The following GRIA3 variants were observed in gnomAD, a reference collection of about 807,000 sequenced individuals.
GRIA3 encodes glutamate ionotropic receptor AMPA type subunit 3, also known as glutamate receptor 3.
In GRIA3, 3 loss-of-function variants were observed where a neutral mutation model predicts 63.0. The ratio of observed to expected loss-of-function variants is 0.05; its 90% CI spans 0.02 to 0.12. GRIA3 has a LOEUF of 0.12. Among genes scored for constraint, GRIA3 ranks in the 10% least tolerant of loss-of-function variants. GRIA3 has a pLI of 1.00. For missense variants in GRIA3, 347 were observed against 700.9 expected (o/e 0.50, Z 5.70); for synonymous variants, 274 against 257.9 (o/e 1.06, Z -0.60).
intron 12 of GRIA3, among the ~76,000 whole-genome samples, chrX:123,453,225 G>C (rs1271734556): frequency 8.9e-6 from 1 of 111,797 alleles, no homozygotes; most frequent in Middle Eastern, 4.6e-3. Context: ...AAAAGGATGA[G>C]TTCATGTCCT....
chrX:123,261,572 C>G (rs1479779142), intron 3 of GRIA3, among the ~76,000 whole-genome samples: 3 of 111,805 alleles, frequency 2.7e-5, no homozygotes, highest in Non-Finnish European at 5.6e-5. Flanking sequence ...AAATTTCTCT[C>G]TTGGGTTGTC....
chrX:123,321,060 G>A (rs2044864551), intron 3 of GRIA3, among the ~76,000 whole-genome samples: 1 of 112,064 alleles, frequency 8.9e-6, no homozygotes, highest in African/African-American at 3.2e-5. Context: ...GTACTAGCCT[G>A]TAATACTGTG....
intron 10 of GRIA3, among the ~76,000 whole-genome samples, chrX:123,412,954 G>GA (rs1342707803): frequency 1.8e-5 from 2 of 109,205 alleles, no homozygotes; most frequent in South Asian, 3.9e-4. Context: ...CCAGGCTGAG[G>GA]AAAAAAAAAG....
chrX:123,463,290 G>A (rs1331141941), intron 12 of GRIA3, among the ~76,000 whole-genome samples: 2 of 109,483 alleles, frequency 1.8e-5, no homozygotes, highest in African/African-American at 6.7e-5. Context: ...GCTCACGCCT[G>A]TAATCCCAAC....
intron 13 of GRIA3, among the ~76,000 whole-genome samples, chrX:123,475,282 G>A (rs955076627): frequency 1.8e-5 from 2 of 112,162 alleles, no homozygotes; most frequent in South Asian, 7.4e-4. Flanking sequence ...ACAAAGAGTT[G>A]TAGTTTATAA....
chrX:123,275,860 C>A lies in GRIA3; in HGVS notation c.508+22318C>A, dbSNP rs148909033. On this transcript the variant is annotated intron_variant, in intron 3 of 15. Coordinates refer to ENST00000620443, the MANE Select transcript of GRIA3 (RefSeq NM_007325.5). ...TTTGTTCCTTTAAGCTCCAAATGTG[C>A]CTTTTCGTGTATCATTGTATCTAGC... Among the ~76,000 whole-genome samples the A allele has an allele frequency of 6.6e-4, 74 of 112,036 alleles. No homozygotes were observed. The East Asian group carries it at 0.017, about 26-fold the overall frequency.
chrX:123,194,159 A>T (rs1322006280), intron 2 of GRIA3, among the ~76,000 whole-genome samples: 2 of 110,720 alleles, frequency 1.8e-5, no homozygotes, highest in East Asian at 5.7e-4. Context: ...GCAATAGGTG[A>T]TTTCAGCTTC....
intron 4 of GRIA3, among the ~76,000 whole-genome samples, chrX:123,326,534 CCTTCCT>C (rs750972569): frequency 8.9e-6 from 1 of 112,004 alleles, no homozygotes; most frequent in South Asian, 3.8e-4. Flanking sequence ...AAAGTAATCC[CCTTCCT>C]TTCCCATACC....
chrX:123,283,652 C>T (rs781256063), intron 3 of GRIA3, among the ~76,000 whole-genome samples: 8 of 111,956 alleles, frequency 7.1e-5, no homozygotes, highest in African/African-American at 1.9e-4. Flanking sequence ...TCGGCAGAGC[C>T]CACTGCAGCT....
intron 14 of GRIA3, among the ~76,000 whole-genome samples, chrX:123,480,523 C>G (rs1603179659): frequency 1.8e-5 from 2 of 111,088 alleles, no homozygotes; most frequent in Admixed American, 1.9e-4. Context: ...CAACAACAAC[C>G]AAAAAAAAGA....
chrX:123,301,153 G>C (rs1314685381), intron 3 of GRIA3, among the ~76,000 whole-genome samples: 3 of 111,035 alleles, frequency 2.7e-5, no homozygotes, highest in African/African-American at 9.8e-5. Flanking sequence ...TGTTGTTTTT[G>C]GGTAGAGAGT....
At chrX:123,290,997 A>G (rs73229277) in intron 3 of GRIA3, among the ~76,000 whole-genome samples, 22,385 of 110,851 alleles carry the variant, frequency 0.2, 1,676 homozygotes, top group Non-Finnish European at 0.23. Context: ...ACAGTGGAGA[A>G]CTCTGCTATA....
At chrX:123,381,516 G>C (rs1157268521) in intron 5 of GRIA3, among the ~76,000 whole-genome samples, 1 of 111,960 alleles carries the variant, frequency 8.9e-6, no homozygotes, top group Admixed American at 9.5e-5. Flanking sequence ...ATGGAAAGGA[G>C]TAATGTCTTA....
intron 10 of GRIA3, 95 bp downstream of exon 10, chrX:123,405,009 T>C: frequency 9.1e-6 from 6 of 661,951 alleles, no homozygotes; most frequent in Non-Finnish European, 1.5e-5. Flanking sequence ...GTTTATCCAA[T>C]TGTATAGTTT....
chrX:123,427,739 C>T (rs192666983), intron 11 of GRIA3, among the ~76,000 whole-genome samples: 1 of 110,803 alleles, frequency 9.0e-6, no homozygotes, highest in Non-Finnish European at 1.9e-5. Flanking sequence ...TATGCATGCA[C>T]CATCATAGTA....
At chrX:123,326,908 A>G (rs1244470321) in intron 4 of GRIA3, among the ~76,000 whole-genome samples, 2 of 111,070 alleles carry the variant, frequency 1.8e-5, no homozygotes, top group Non-Finnish European at 3.8e-5. Flanking sequence ...CTCAAAGGAG[A>G]AATAAGATCT....
At chrX:123,344,104 T>G (rs1187060206) in intron 4 of GRIA3, among the ~76,000 whole-genome samples, 2 of 112,232 alleles carry the variant, frequency 1.8e-5, no homozygotes, top group Admixed American at 9.4e-5. Flanking sequence ...AACTGGTCGA[T>G]CTGACTCCAG....
chrX:123,332,893 C>T (rs1338006897), intron 4 of GRIA3, among the ~76,000 whole-genome samples: 1 of 111,385 alleles, frequency 9.0e-6, no homozygotes, highest in Non-Finnish European at 1.9e-5. Context: ...TTCTAAAGTT[C>T]TTCTAGAGAC....
In GRIA3 at chrX:123,255,992, C is replaced by T. The variant is rs146332201; in HGVS notation, c.508+2450C>T. ...CAACCAACTAACAAACCCATTCTCC[C>T]TATGCTACCCAATGAGAACCTCCCA... On this transcript the variant is annotated intron_variant, in intron 3 of 15. Transcript: ENST00000620443. 9.4e-3 allele frequency among the ~76,000 whole-genome samples: 1,045 copies of T among 111,441 alleles called. 11 individuals carry two copies. The highest frequency in any genetic ancestry group is 0.032 in the African/African-American group (978 of 30,638).
Sources: gnomAD v4.1 joint callset for allele counts (sites outside exome capture counted in the v4.1 genomes callset) on GRCh38, gnomAD v4.1.1 for gene constraint, MANE v1.5 for transcripts, NCBI Gene and HGNC (gene_info 2026-07-23, HGNC 2026-07-21) for gene names.